The following RBFOX1 variants were observed in gnomAD, a reference collection of about 807,000 sequenced individuals.
RBFOX1 encodes RNA binding protein fox-1 homolog 1.
In RBFOX1, 8 loss-of-function variants were observed where a neutral mutation model predicts 57.7. That is an observed-to-expected ratio of 0.14 (90% CI 0.08 to 0.25). RBFOX1 has a LOEUF of 0.25. Ranked by LOEUF, RBFOX1 falls within the 10% of genes least tolerant of loss-of-function variation. RBFOX1 has a pLI of 1.00. For synonymous variants in RBFOX1, 326 were observed against 222.4 expected (o/e 1.47, Z -4.15); for missense variants, 611 against 548.5 (o/e 1.11, Z -1.14).
intron 4 of RBFOX1, among the ~76,000 whole-genome samples, chr16:7,232,637 T>G (rs1454372444): frequency 2.0e-5 from 3 of 151,714 alleles, no homozygotes; most frequent in African/African-American, 7.3e-5. Flanking sequence ...AGGTTGGGAG[T>G]TCGAGAACAG....
At chr16:6,977,837 T>G (rs985628977) in intron 3 of RBFOX1, among the ~76,000 whole-genome samples, 4 of 151,370 alleles carry the variant, frequency 2.6e-5, no homozygotes, top group African/African-American at 9.8e-5. Context: ...TGCAGTATCT[T>G]GAAAAGCTGC....
chr16:6,533,111 G>C (rs1313714194), intron 2 of RBFOX1, among the ~76,000 whole-genome samples: 1 of 152,220 alleles, frequency 6.6e-6, no homozygotes, highest in African/African-American at 2.4e-5. Flanking sequence ...CCTAGTGCTA[G>C]ATGGCAGGCA....
chr16:6,674,534 A>C (rs943243538), intron 3 of RBFOX1, among the ~76,000 whole-genome samples: 1 of 151,950 alleles, frequency 6.6e-6, no homozygotes, highest in South Asian at 2.1e-4. Flanking sequence ...GTTGATCAGG[A>C]TGGTGTCGAA....
intron 2 of RBFOX1, among the ~76,000 whole-genome samples, chr16:6,361,209 C>T (rs762032916): frequency 6.6e-6 from 1 of 151,972 alleles, no homozygotes; most frequent in Non-Finnish European, 1.5e-5. Context: ...GACCCAGTGT[C>T]GAGGAGAAGA....
chr16:7,530,480 C>G (rs1248545804), intron 5 of RBFOX1, among the ~76,000 whole-genome samples: 1 of 151,336 alleles, frequency 6.6e-6, no homozygotes, highest in Non-Finnish European at 1.5e-5. Flanking sequence ...GGGCCTTATT[C>G]TCACAAAGAC....
intron 3 of RBFOX1, among the ~76,000 whole-genome samples, chr16:6,970,357 T>C (rs1311838588): frequency 1.3e-5 from 2 of 152,234 alleles, no homozygotes; most frequent in African/African-American, 4.8e-5. Flanking sequence ...TAGGTTTGTC[T>C]TTTCTCAGTT....
Position 7,635,901 on chromosome 16 carries a change from C to T in RBFOX1, c.757+5218C>T, listed in dbSNP as rs529645501. Among the ~76,000 whole-genome samples the T allele has an allele frequency of 4.9e-4, 74 of 152,306 alleles. No homozygotes were observed. The Middle Eastern group carries it at 0.014, about 28-fold the overall frequency. Reference sequence around the variant, plus strand: ...TCCCGGCTCACTGCAAACTCCACCTCCTGGGTTCACACCATTCTCCTGTCT... The same window carrying T: ...TCCCGGCTCACTGCAAACTCCACCTTCTGGGTTCACACCATTCTCCTGTCT... On this transcript the variant is annotated intron_variant, in intron 11 of 15. Transcript: ENST00000550418.
intron 3 of RBFOX1, among the ~76,000 whole-genome samples, chr16:6,998,956 C>T (rs939064942): frequency 2.0e-5 from 3 of 151,248 alleles, no homozygotes; most frequent in Non-Finnish European, 3.0e-5. Context: ...GTAACCTCCG[C>T]CTCCCAGGTT....
intron 3 of RBFOX1, among the ~76,000 whole-genome samples, chr16:5,720,015 G>A (rs2051868738): frequency 2.0e-5 from 3 of 151,890 alleles, no homozygotes; most frequent in African/African-American, 7.3e-5. Context: ...CTGCACCATC[G>A]TAGGTTCCCA....
chr16:6,874,252 G>A (rs2061435265), intron 3 of RBFOX1, among the ~76,000 whole-genome samples: 1 of 152,102 alleles, frequency 6.6e-6, no homozygotes, highest in Non-Finnish European at 1.5e-5. Context: ...GTTCACACTT[G>A]TAATCCCAGC....
intron 3 of RBFOX1, among the ~76,000 whole-genome samples, chr16:6,922,034 G>C (rs1258570494): frequency 6.6e-6 from 1 of 152,140 alleles, no homozygotes; most frequent in East Asian, 1.9e-4. Flanking sequence ...GTATATAACT[G>C]CTGTTACCAA....
chr16:6,270,848 G>A (rs2152672694), intron 1 of RBFOX1, among the ~76,000 whole-genome samples: 1 of 152,228 alleles, frequency 6.6e-6, no homozygotes, highest in East Asian at 1.9e-4. Flanking sequence ...AAATGATACA[G>A]TGACCACAAT....
chr16:6,607,048 A>G (rs1447816976), intron 2 of RBFOX1, among the ~76,000 whole-genome samples: 1 of 152,174 alleles, frequency 6.6e-6, no homozygotes, highest in Non-Finnish European at 1.5e-5. Flanking sequence ...ATAATCGCCA[A>G]AAATGGCTAT....
intron 1 of RBFOX1, among the ~76,000 whole-genome samples, chr16:5,440,788 A>T (rs759965074): frequency 6.6e-6 from 1 of 152,194 alleles, no homozygotes; most frequent in African/African-American, 2.4e-5. Context: ...AATTTCAACA[A>T]CACAGAATGA....
chr16:6,843,793 G>T (rs1307634836), intron 3 of RBFOX1, among the ~76,000 whole-genome samples: 3 of 152,152 alleles, frequency 2.0e-5, no homozygotes, highest in African/African-American at 7.2e-5. Context: ...TCTGTTCCAT[G>T]CCAAAAGAAA....
intron 2 of RBFOX1, among the ~76,000 whole-genome samples, chr16:6,609,503 T>A (rs1371515262): frequency 6.6e-6 from 1 of 151,992 alleles, no homozygotes; most frequent in Non-Finnish European, 1.5e-5. Flanking sequence ...GCCACCACAC[T>A]TGGCTAATTT....
intron 3 of RBFOX1, among the ~76,000 whole-genome samples, chr16:5,699,370 CTTTT>C (rs35259674): frequency 7.2e-6 from 1 of 138,952 alleles, no homozygotes; most frequent in African/African-American, 2.7e-5. Context: ...CTTAATTTTC[CTTTT>C]TTTTTTTTTT....
intron 4 of RBFOX1, among the ~76,000 whole-genome samples, chr16:7,273,210 C>A (rs1230566183): frequency 9.8e-6 from 1 of 101,988 alleles, no homozygotes; most frequent in African/African-American, 4.1e-5. Flanking sequence ...CCCTCCCTTC[C>A]TTCCTTCCTT....
intron 2 of RBFOX1, among the ~76,000 whole-genome samples, chr16:6,366,521 A>G (rs1023689344): frequency 6.6e-6 from 1 of 152,218 alleles, no homozygotes; most frequent in African/African-American, 2.4e-5. Flanking sequence ...GAGGCTCAAT[A>G]TGACACCACC....
Sources: gnomAD v4.1 joint callset for allele counts (sites outside exome capture counted in the v4.1 genomes callset) on GRCh38, gnomAD v4.1.1 for gene constraint, MANE v1.5 for transcripts, NCBI Gene and HGNC (gene_info 2026-07-23, HGNC 2026-07-21) for gene names.